DNAJB11: variants seen among roughly 807,000 people sequenced by gnomAD.
The protein encoded by DNAJB11 is DnaJ heat shock protein family (Hsp40) member B11, also known as dnaJ homolog subfamily B member 11.
A neutral mutation model predicts 47.2 loss-of-function variants in DNAJB11; 30 were observed. The observed-to-expected ratio is 0.64, with a 90% CI of 0.48 to 0.86. The LOEUF is 0.86. Ranked by LOEUF, DNAJB11 falls within the 40% of genes least tolerant of loss-of-function variation. DNAJB11 has a pLI of 0.00. For synonymous variants in DNAJB11, 151 were observed against 159.9 expected (o/e 0.94, Z 0.42); for missense variants, 357 against 440.2 (o/e 0.81, Z 1.69).
rs3806713 is a variant in DNAJB11 at position 186,570,732 on chromosome 3, T to A, written c.-166T>A. 35 of 655,314 alleles carry A rather than the reference T, an allele frequency of 5.3e-5. No homozygotes were observed. The East Asian group carries it at 1.0e-3, about 19-fold the overall frequency. 40.6% of individuals were successfully genotyped at this position (655,314 alleles called of 1,614,324 possible). A position where few individuals can be genotyped will look rare whatever the true frequency, so the allele number is the denominator to read the frequency against. ...ACCGGGACTCGGGACTCCCGGGAAG[T>A]GGACCGGCAGAAGAGGGGGCTAGCT... On this transcript the variant is annotated 5_prime_UTR_variant, in exon 1 of 10. Transcript: ENST00000265028.
chr3:186,584,617 G>GTGTGTGTGTGTA, intron 9 of DNAJB11, 28 bp downstream of exon 9: 1 of 1,513,874 alleles, frequency 6.6e-7, no homozygotes, highest in Admixed American at 2.4e-5. Context: ...GTGTGTGTGT[G>GTGTGTGTGTGTA]TGTGTTTGTG....
chr3:186,576,149 C>T (rs940073423), intron 3 of DNAJB11, among the ~76,000 whole-genome samples: 5 of 152,228 alleles, frequency 3.3e-5, no homozygotes, highest in African/African-American at 1.2e-4. Context: ...GACATTCCAT[C>T]TAGCCAACCA....
chr3:186,572,345 T>A lies in DNAJB11; in HGVS notation c.225+94T>A, dbSNP rs548694647. The A allele has an allele frequency of 1.3e-3, 1,510 of 1,147,640 alleles. 2 individuals are homozygous for A. The highest frequency in any genetic ancestry group is 1.5e-3 in the Non-Finnish European group (1,276 of 838,090). 71.1% of individuals were successfully genotyped at this position (1,147,640 alleles called of 1,614,324 possible). On this transcript the variant is annotated intron_variant, in intron 2 of 9. Transcript: ENST00000265028. ...AACACTCCTTTCAGCTCACATTTAT[T>A]TATTTATTTATTTATTTTGAGACTG...
chr3:186,578,538 C>T (rs916230064), intron 4 of DNAJB11: 7 of 152,188 alleles, frequency 4.6e-5, no homozygotes, highest in Admixed American at 6.5e-5. Flanking sequence ...CTCACTAATA[C>T]TTGGAATTAT....
At chr3:186,583,068 G>A (rs1715541269) in intron 7 of DNAJB11, among the ~76,000 whole-genome samples, 1 of 152,222 alleles carries the variant, frequency 6.6e-6, no homozygotes, top group African/African-American at 2.4e-5. Flanking sequence ...TTTAGCTGAA[G>A]AAGTATGGCA....
In DNAJB11 at chr3:186,572,086, A is replaced by G. The variant is rs1014467656; in HGVS notation, c.69-9A>G. The G allele has an allele frequency of 4.5e-6, 7 of 1,563,946 alleles. No homozygotes were observed. The highest frequency in any genetic ancestry group is 4.5e-5 in the East Asian group (2 of 44,268). ...CTTTAATGAAGTATTCTCTCCCTCT[A>G]CTTCCCAGACGAGATTTCTATAAGA... is the stretch of plus-strand genomic sequence containing the variant. On this transcript the variant is annotated splice_polypyrimidine_tract_variant and intron_variant, in intron 1 of 9. Coordinates refer to ENST00000265028, the MANE Select transcript of DNAJB11 (RefSeq NM_016306.6).
At chr3:186,572,309 C>T (rs1715097040) in intron 2 of DNAJB11, 58 bp downstream of exon 2, 7 of 1,467,170 alleles carry the variant, frequency 4.8e-6, no homozygotes, top group Non-Finnish European at 6.5e-6. Flanking sequence ...AAAAAACATA[C>T]AATACAGAGA....
At chr3:186,576,809 A>G (rs1200220946) in intron 3 of DNAJB11, among the ~76,000 whole-genome samples, 1 of 152,138 alleles carries the variant, frequency 6.6e-6, no homozygotes, top group African/African-American at 2.4e-5. Flanking sequence ...TCCCTAGGGA[A>G]TACCAGAAAG....
chr3:186,573,717 A>G (rs539810449), intron 2 of DNAJB11, among the ~76,000 whole-genome samples: 1 of 152,210 alleles, frequency 6.6e-6, no homozygotes, highest in Non-Finnish European at 1.5e-5. Flanking sequence ...GAGGCACATC[A>G]ATAAACTTGG....
At chr3:186,584,356 G>A in intron 8 of DNAJB11, 74 bp from the exon 9 acceptor site, 1 of 1,412,608 alleles carries the variant, frequency 7.1e-7, no homozygotes, top group Non-Finnish European at 9.4e-7. Flanking sequence ...TTGTGTACCA[G>A]TGCTCACTAG....
chr3:186,573,085 T>C (rs1471188546), intron 2 of DNAJB11, among the ~76,000 whole-genome samples: 3 of 152,154 alleles, frequency 2.0e-5, no homozygotes, highest in East Asian at 1.9e-4. Context: ...CCAGGAAATA[T>C]ATTAGAGCTA....
rs369204533 is a variant in DNAJB11 at position 186,571,008 on chromosome 3, C to G, written c.68+43C>G. 3.8e-4 allele frequency: 380 copies of G among 1,005,164 alleles called. 1 individual carries two copies. Among genetic ancestry groups the G allele is most frequent in the Non-Finnish European group, 5.2e-4 (356 of 688,364 alleles). The allele number at this position is 1,005,164 out of a possible 1,614,324, so 62.3% of individuals were successfully genotyped here. A position where few individuals can be genotyped will look rare whatever the true frequency, so the allele number is the denominator to read the frequency against. ...GCAGACAACGGGGCCTGTGGGTCAG[C>G]CTTTGCTGGGGGGTGGGAGGGGGTG... is the stretch of plus-strand genomic sequence containing the variant. On this transcript the variant is annotated intron_variant, in intron 1 of 9. Coordinates refer to ENST00000265028, the MANE Select transcript of DNAJB11 (RefSeq NM_016306.6).
At chr3:186,576,326 C>CT (rs1355332564) in intron 3 of DNAJB11, among the ~76,000 whole-genome samples, 3 of 152,174 alleles carry the variant, frequency 2.0e-5, no homozygotes, top group African/African-American at 4.8e-5. Context: ...CTCTTTCGTG[C>CT]TATCAACAAG....
intron 1 of DNAJB11, among the ~76,000 whole-genome samples, chr3:186,571,247 G>A (rs1356355386): frequency 6.6e-6 from 1 of 151,982 alleles, no homozygotes; most frequent in Non-Finnish European, 1.5e-5. Context: ...AACGGCATTT[G>A]GGGGATGAGG....
chr3:186,584,328 T>C lies in DNAJB11; in HGVS notation c.853-102T>C, dbSNP rs561235529. ...TTGCTCCTTCATTCTTTCTTTTTGCTGAGCTGTGACATTAGCTTTGTGTAC... is the reference window on the plus strand; with the variant it reads ...TTGCTCCTTCATTCTTTCTTTTTGCCGAGCTGTGACATTAGCTTTGTGTAC... On this transcript the variant is annotated intron_variant, in intron 8 of 9. Transcript: ENST00000265028. 164 of 1,188,214 alleles carry C rather than the reference T, an allele frequency of 1.4e-4. No individual in the cohort carries two copies. In the East Asian group the frequency reaches 1.9e-3, roughly 14 times the overall value. 73.6% of individuals were successfully genotyped at this position (1,188,214 alleles called of 1,614,324 possible).
chr3:186,572,436 G>T (rs1176318503), intron 2 of DNAJB11, among the ~76,000 whole-genome samples, 185 bp downstream of exon 2: 1 of 152,136 alleles, frequency 6.6e-6, no homozygotes, highest in Non-Finnish European at 1.5e-5. Flanking sequence ...CCACCTCCTG[G>T]GTTCAAGCAG....
intron 5 of DNAJB11, among the ~76,000 whole-genome samples, chr3:186,581,751 A>T (rs968764791): frequency 2.0e-4 from 31 of 152,156 alleles, no homozygotes; most frequent in African/African-American, 7.0e-4. Context: ...ACAAGTATTA[A>T]TGCTTCATTT....
At chr3:186,581,615 C>A in intron 5 of DNAJB11, 102 bp downstream of exon 5, 1 of 1,321,972 alleles carries the variant, frequency 7.6e-7, no homozygotes, top group Non-Finnish European at 1.0e-6. Flanking sequence ...CTGTCCCCTC[C>A]CCACTGCCAT....
At chr3:186,572,454 G>T (rs143950149) in intron 2 of DNAJB11, among the ~76,000 whole-genome samples, 1 of 152,096 alleles carries the variant, frequency 6.6e-6, no homozygotes, top group Non-Finnish European at 1.5e-5. Context: ...CAGTTCTCCC[G>T]CCTCAGCCTC....
Sources: gnomAD v4.1 joint callset for allele counts (sites outside exome capture counted in the v4.1 genomes callset) on GRCh38, gnomAD v4.1.1 for gene constraint, MANE v1.5 for transcripts, NCBI Gene and HGNC (gene_info 2026-07-23, HGNC 2026-07-21) for gene names.